ILDR1: variants seen among roughly 807,000 people sequenced by gnomAD.
The protein encoded by ILDR1 is immunoglobulin-like domain-containing receptor 1.
In ILDR1, 56 loss-of-function variants were observed where a neutral mutation model predicts 62.4. The ratio of observed to expected loss-of-function variants is 0.90; its 90% CI spans 0.72 to 1.12. The LOEUF (loss-of-function observed/expected upper bound fraction) is 1.12, where lower values mean the gene tolerates loss of function less well. Among genes scored for constraint, ILDR1 ranks in the 50% most tolerant of loss-of-function variants. ILDR1 has a pLI of 0.00. For missense variants in ILDR1, 736 were observed against 710.6 expected (o/e 1.04, Z -0.41); for synonymous variants, 284 against 277.8 (o/e 1.02, Z -0.22).
upstream of ILDR1, among the ~76,000 whole-genome samples, chr3:122,025,957 G>A (rs1457859678): frequency 6.6e-6 from 1 of 152,120 alleles, no homozygotes; most frequent in Non-Finnish European, 1.5e-5. Flanking sequence ...TGGAGGAAGG[G>A]ACATCTGCTC....
chr3:122,060,363 G>C, the ILDR1 span, among the ~76,000 whole-genome samples: 1 of 152,120 alleles, frequency 6.6e-6, no homozygotes, highest in Non-Finnish European at 1.5e-5. Flanking sequence ...CAGCACAGAT[G>C]GTCTCCTGCA....
chr3:122,037,747 G>A, the ILDR1 span, among the ~76,000 whole-genome samples: 1 of 152,122 alleles, frequency 6.6e-6, no homozygotes, highest in Non-Finnish European at 1.5e-5. Context: ...TTTTGGAGGG[G>A]CCAGGGGCAG....
chr3:122,059,389 G>T, the ILDR1 span, among the ~76,000 whole-genome samples: 3 of 152,010 alleles, frequency 2.0e-5, no homozygotes, highest in Non-Finnish European at 2.9e-5. Context: ...GAGAAAAGTG[G>T]TGTCATAGAA....
chr3:121,997,670 C>A (rs2071457030), intron 5 of ILDR1, among the ~76,000 whole-genome samples: 1 of 152,152 alleles, frequency 6.6e-6, no homozygotes, highest in Non-Finnish European at 1.5e-5. Context: ...AGCTGTGAGG[C>A]AGAAGGAGAT....
At chr3:122,045,603 T>C in the ILDR1 span, among the ~76,000 whole-genome samples, 2 of 150,474 alleles carry the variant, frequency 1.3e-5, no homozygotes, top group Non-Finnish European at 3.0e-5. Flanking sequence ...TGGGTGCTCC[T>C]GTATTGGGTG....
Position 122,006,973 on chromosome 3 carries a change from G to C in ILDR1, c.229+18C>G. The C allele has an allele frequency of 6.2e-7, 1 of 1,608,366 alleles. No homozygotes were observed. The highest frequency in any genetic ancestry group is 8.5e-7 in the Non-Finnish European group (1 of 1,178,124). Reference sequence around the variant, plus strand: ...GTGTCTGGGACCCACAGAGGGCCAAGGGGGTAAGGATACTCACACGCTGAG... The same window carrying C: ...GTGTCTGGGACCCACAGAGGGCCAACGGGGTAAGGATACTCACACGCTGAG... On this transcript the variant is annotated intron_variant, in intron 2 of 7. Transcript: ENST00000344209.
At chr3:122,033,135 C>A in the ILDR1 span, among the ~76,000 whole-genome samples, 1 of 152,160 alleles carries the variant, frequency 6.6e-6, no homozygotes, top group African/African-American at 2.4e-5. Context: ...TTTAGTTGTT[C>A]CACATCCTTG....
chr3:122,055,598 A>G, the ILDR1 span: 4 of 1,150,682 alleles, frequency 3.5e-6, no homozygotes, highest in African/African-American at 3.0e-5. Flanking sequence ...TGTGTCCTTC[A>G]CTTAGTTCCT....
the ILDR1 span, among the ~76,000 whole-genome samples, chr3:122,061,252 A>G: frequency 6.6e-6 from 1 of 152,224 alleles, no homozygotes; most frequent in Non-Finnish European, 1.5e-5. Flanking sequence ...ACTATTTTCA[A>G]CCAACTAAAC....
At chr3:121,991,401 T>A (rs2071344328) in intron 7 of ILDR1, among the ~76,000 whole-genome samples, 1 of 152,208 alleles carries the variant, frequency 6.6e-6, no homozygotes, top group Non-Finnish European at 1.5e-5. Flanking sequence ...TTTTTTGTTG[T>A]TGTTGTTATA....
In ILDR1 at chr3:122,017,925, C is replaced by T. The variant is rs1461952266; in HGVS notation, c.58+4095G>A. Reference sequence around the variant, plus strand: ...GGGAGAGGTTGTGGAAAAATAGGAACGCTTTTACACTGTTGGTGGGAGTGT... The same window carrying T: ...GGGAGAGGTTGTGGAAAAATAGGAATGCTTTTACACTGTTGGTGGGAGTGT... On this transcript the variant is annotated intron_variant, in intron 1 of 7. Coordinates refer to ENST00000344209, the MANE Select transcript of ILDR1 (RefSeq NM_001199799.2). Among the ~76,000 whole-genome samples the T allele has an allele frequency of 3.9e-5, 6 of 152,110 alleles. No homozygotes were observed. In the East Asian group the frequency reaches 5.8e-4, roughly 15 times the overall value.
chr3:121,995,521 G>T (rs932976547), intron 5 of ILDR1, among the ~76,000 whole-genome samples: 1 of 152,184 alleles, frequency 6.6e-6, no homozygotes, highest in Non-Finnish European at 1.5e-5. Flanking sequence ...GGAAGTGGTT[G>T]TAACAGAGTC....
intron 5 of ILDR1, among the ~76,000 whole-genome samples, chr3:121,995,426 G>A (rs569543828): frequency 1.9e-4 from 29 of 152,336 alleles, no homozygotes; most frequent in Admixed American, 1.7e-3. Context: ...CAGCCACATA[G>A]GGTGTAGGGT....
the ILDR1 span, among the ~76,000 whole-genome samples, chr3:122,042,950 T>C: frequency 6.6e-6 from 1 of 150,766 alleles, no homozygotes; most frequent in East Asian, 1.9e-4. Context: ...TTGGCTTTTG[T>C]TGCCATTGCT....
At chr3:122,007,274 G>C (rs1180119308) in intron 1 of ILDR1, 113 bp from the exon 2 acceptor site, 2 of 1,558,796 alleles carry the variant, frequency 1.3e-6, no homozygotes, top group Non-Finnish European at 1.7e-6. Flanking sequence ...ACCTGGCTAG[G>C]AGCTCACAGA....
At chr3:121,989,691 G>A (rs1422036964) in intron 7 of ILDR1, among the ~76,000 whole-genome samples, 2 of 152,132 alleles carry the variant, frequency 1.3e-5, no homozygotes. Flanking sequence ...GAGTGAAAAC[G>A]CCACCAGACC....
rs370352819 is a variant in ILDR1 at position 122,021,998 on chromosome 3, G to A, written c.58+22C>T. On this transcript the variant is annotated intron_variant, in intron 1 of 7. Transcript: ENST00000344209. ...TCCTGTCTCCTTGGGTCCAGGGTGGGTACCATTTTTCCAAGGCTCACCTGC... is the reference window on the plus strand; with the variant it reads ...TCCTGTCTCCTTGGGTCCAGGGTGGATACCATTTTTCCAAGGCTCACCTGC... 1.9e-5 allele frequency: 31 copies of A among 1,604,572 alleles called. No individual in the cohort carries two copies. In the African/African-American group the frequency reaches 4.1e-4, roughly 21 times the overall value.
intron 1 of ILDR1, among the ~76,000 whole-genome samples, chr3:122,016,930 T>C (rs566618297): frequency 1.3e-5 from 2 of 152,346 alleles, no homozygotes; most frequent in Admixed American, 1.3e-4. Flanking sequence ...TACCTGGTTA[T>C]GAGAAATAAA....
At position 121,992,199 on chromosome 3, in the gene ILDR1, C is replaced by T. The variant is rs1330683434; in HGVS notation, c.1599+951G>A. Among the ~76,000 whole-genome samples the T allele has an allele frequency of 3.9e-5, 6 of 152,268 alleles. No homozygotes were observed. The East Asian group carries it at 1.2e-3, about 29-fold the overall frequency. ...TCACCCAGGCTGGAGTGCAATGGCA[C>T]GATCTCAGCTCACTGCAACCTCCTC... On this transcript the variant is annotated intron_variant, in intron 7 of 7. Coordinates refer to ENST00000344209, the MANE Select transcript of ILDR1 (RefSeq NM_001199799.2).
Sources: allele counts gnomAD v4.1 joint callset (sites outside exome capture counted in the v4.1 genomes callset), GRCh38; gene constraint gnomAD v4.1.1; transcripts MANE v1.5; gene names NCBI Gene and HGNC (gene_info 2026-07-23, HGNC 2026-07-21).